TNR: variants seen among roughly 807,000 people sequenced by gnomAD.
TNR encodes the protein tenascin-R.
In TNR, 45 loss-of-function variants were observed where a neutral mutation model predicts 150.4. That is an observed-to-expected ratio of 0.30 (90% CI 0.24 to 0.38). The LOEUF (loss-of-function observed/expected upper bound fraction) is 0.38, where lower values mean the gene tolerates loss of function less well. Among genes scored for constraint, TNR ranks in the 10% least tolerant of loss-of-function variants. TNR has a pLI of 1.00. For missense variants in TNR, 1,544 were observed against 1,759.1 expected, an observed-to-expected ratio of 0.88 and a Z score of 2.19; for synonymous variants, 687 against 678.4, an observed-to-expected ratio of 1.01 and a Z score of -0.20.
intron 18 of TNR, among the ~76,000 whole-genome samples, chr1:175,344,250 C>T (rs1650666019): frequency 6.6e-6 from 1 of 152,158 alleles, no homozygotes. Flanking sequence ...GGACACTTTC[C>T]CTTTCCATCT....
At chr1:175,691,662 T>G (rs1571756972) in intron 1 of TNR, among the ~76,000 whole-genome samples, 1 of 152,258 alleles carries the variant, frequency 6.6e-6, no homozygotes, top group East Asian at 1.9e-4. Context: ...TTTATTAATC[T>G]CTTTGTCGGT....
At chr1:175,597,801 G>A (rs1413015706) in intron 1 of TNR, among the ~76,000 whole-genome samples, 1 of 152,174 alleles carries the variant, frequency 6.6e-6, no homozygotes, top group Non-Finnish European at 1.5e-5. Context: ...AAAACAGATG[G>A]CAGTTAGGGA....
chr1:175,578,789 G>T (rs562528340), intron 1 of TNR, among the ~76,000 whole-genome samples: 1 of 152,320 alleles, frequency 6.6e-6, no homozygotes, highest in South Asian at 2.1e-4. Context: ...AGCCAGCCTG[G>T]CAATTAGTGT....
chr1:175,699,429 G>A (rs764178659), intron 1 of TNR, among the ~76,000 whole-genome samples: 3 of 152,124 alleles, frequency 2.0e-5, no homozygotes, highest in Non-Finnish European at 4.4e-5. Flanking sequence ...ATTTTCAGTT[G>A]CATTCGTGTC....
intron 1 of TNR, among the ~76,000 whole-genome samples, chr1:175,716,719 A>G (rs1667162780): frequency 2.0e-5 from 3 of 152,228 alleles, no homozygotes; most frequent in African/African-American, 7.2e-5. Flanking sequence ...TGAATTAACC[A>G]GAAAAGCTGG....
intron 1 of TNR, among the ~76,000 whole-genome samples, chr1:175,621,053 C>T (rs78237921): frequency 7.9e-5 from 12 of 152,278 alleles, no homozygotes; most frequent in East Asian, 1.9e-4. Flanking sequence ...CCTTTGCTAT[C>T]GCTCTTGCCT....
intron 1 of TNR, among the ~76,000 whole-genome samples, chr1:175,611,825 C>G (rs1663609431): frequency 6.6e-6 from 1 of 152,170 alleles, no homozygotes; most frequent in Non-Finnish European, 1.5e-5. Flanking sequence ...GCAAAGGAAA[C>G]AGACCTATAA....
At chr1:175,407,683 C>T (rs956089118) in intron 2 of TNR, among the ~76,000 whole-genome samples, 1 of 152,206 alleles carries the variant, frequency 6.6e-6, no homozygotes, top group African/African-American at 2.4e-5. Context: ...AAGAAGGTCA[C>T]AACTAGGATT....
At chr1:175,440,690 A>T (rs1655743310) in intron 2 of TNR, among the ~76,000 whole-genome samples, 2 of 152,024 alleles carry the variant, frequency 1.3e-5, no homozygotes, top group South Asian at 2.1e-4. Context: ...ACCATGTTTC[A>T]GTGTCGGGGG....
intron 14 of TNR, among the ~76,000 whole-genome samples, chr1:175,360,717 T>A (rs1050176839): frequency 1.3e-5 from 2 of 152,216 alleles, no homozygotes; most frequent in Admixed American, 1.3e-4. Context: ...AATATTTTCA[T>A]GTTAAAATTG....
chr1:175,345,557 C>A (rs1157739006), intron 18 of TNR, among the ~76,000 whole-genome samples: 2 of 151,822 alleles, frequency 1.3e-5, no homozygotes, highest in Admixed American at 6.6e-5. Context: ...AAGAATACAG[C>A]AGATAGGGTG....
rs1397445752 is a variant in TNR, at chr1:175,322,851, T to G, written c.*506A>C. The G allele has an allele frequency of 1.3e-5, 2 of 151,882 alleles. No homozygotes were observed. The highest frequency in any genetic ancestry group is 2.9e-5 in the Non-Finnish European group (2 of 68,006). 9.4% of individuals were successfully genotyped at this position (151,882 alleles called of 1,614,324 possible). On this transcript the variant is annotated 3_prime_UTR_variant, in exon 23 of 23. Transcript: ENST00000367674. ...AAGGAAGGAAGGAAGGAAAAGAACC[T>G]GGGTTGTTGGGATGCGGTGTAGTTG...
At chr1:175,606,318 G>T (rs1342858413) in intron 1 of TNR, among the ~76,000 whole-genome samples, 3 of 152,144 alleles carry the variant, frequency 2.0e-5, no homozygotes, top group Non-Finnish European at 4.4e-5. Flanking sequence ...AAGGACAGAT[G>T]CTGGGCCTCA....
At chr1:175,462,981 G>A (rs541010974) in intron 2 of TNR, among the ~76,000 whole-genome samples, 1 of 152,300 alleles carries the variant, frequency 6.6e-6, no homozygotes, top group East Asian at 1.9e-4. Context: ...GCGTGTTTTA[G>A]AAACTGTTTC....
intron 2 of TNR, among the ~76,000 whole-genome samples, chr1:175,480,447 A>AAGAAAGAAAGAAAG (rs1557959771): frequency 6.7e-6 from 1 of 149,366 alleles, no homozygotes; most frequent in African/African-American, 2.5e-5. Flanking sequence ...AAGAAAGAGA[A>AAGAAAGAAAGAAAG]AGAAAGAAAG....
chr1:175,604,626 C>G (rs1663354705), intron 1 of TNR, among the ~76,000 whole-genome samples: 2 of 152,216 alleles, frequency 1.3e-5, no homozygotes, highest in African/African-American at 4.8e-5. Flanking sequence ...GAGAATCTAT[C>G]TTTATGCCAT....
intron 2 of TNR, among the ~76,000 whole-genome samples, chr1:175,446,001 C>T (rs1369013770): frequency 6.6e-6 from 1 of 152,206 alleles, no homozygotes; most frequent in African/African-American, 2.4e-5. Context: ...TCTTTTCACA[C>T]TCTTGTCTAA....
chr1:175,683,660 C>T (rs1414653233), intron 1 of TNR, among the ~76,000 whole-genome samples: 7 of 152,172 alleles, frequency 4.6e-5, no homozygotes, highest in Non-Finnish European at 1.0e-4. Flanking sequence ...TGTCTCCCAC[C>T]TCAGCTCAAA....
chr1:175,527,603 C>G (rs1659895618), intron 2 of TNR, among the ~76,000 whole-genome samples: 1 of 152,144 alleles, frequency 6.6e-6, no homozygotes, highest in Admixed American at 6.5e-5. Flanking sequence ...TTCAGTATAT[C>G]AAGTTTGAGT....
Sources: gnomAD v4.1 joint callset for allele counts (sites outside exome capture counted in the v4.1 genomes callset) on GRCh38, gnomAD v4.1.1 for gene constraint, MANE v1.5 for transcripts, NCBI Gene and HGNC (gene_info 2026-07-23, HGNC 2026-07-21) for gene names.